Variants in LASP1 observed in about 807,000 individuals in gnomAD.
LASP1 encodes the protein LIM and SH3 domain protein 1.
Under a neutral mutation model 38.6 loss-of-function variants are expected in LASP1, and 10 were observed. The ratio of observed to expected loss-of-function variants is 0.26; its 90% CI spans 0.16 to 0.44. LASP1 has a LOEUF of 0.44. LASP1 is among the 20% of genes least tolerant of loss of function. The pLI, the probability that LASP1 is intolerant of heterozygous loss-of-function variation, is 1.00. For synonymous variants in LASP1, 132 were observed against 140.8 expected (o/e 0.94, Z 0.44); for missense variants, 243 against 375.7 (o/e 0.65, Z 2.92).
At chr17:38,913,492 A>G (rs1753400050) in intron 4 of LASP1, among the ~76,000 whole-genome samples, 2 of 152,114 alleles carry the variant, frequency 1.3e-5, no homozygotes, top group Admixed American at 6.5e-5. Flanking sequence ...ATCTTGGGCC[A>G]CTCACTTCAC....
chr17:38,883,923 C>T (rs967840423), intron 2 of LASP1, among the ~76,000 whole-genome samples: 1 of 151,646 alleles, frequency 6.6e-6, no homozygotes, highest in African/African-American at 2.4e-5. Flanking sequence ...GGGTGAGAAA[C>T]TGGGTTAGCA....
intron 4 of LASP1, among the ~76,000 whole-genome samples, chr17:38,906,381 T>C (rs1018815253): frequency 1.3e-5 from 2 of 151,606 alleles, no homozygotes; most frequent in Non-Finnish European, 2.9e-5. Flanking sequence ...TAGAAAAAAA[T>C]AGCTGGGCAT....
In LASP1 at chr17:38,921,742, C is replaced by G. The variant is rs1915306628; in HGVS notation, c.*2964C>G. 1 of 224,264 alleles carries G rather than the reference C, an allele frequency of 4.5e-6. No individual in the cohort carries two copies. Among genetic ancestry groups the G allele is most frequent in the Non-Finnish European group, 8.9e-6 (1 of 112,478 alleles). The allele number at this position is 224,264 out of a possible 1,614,324, so 13.9% of individuals were successfully genotyped here. A position where few individuals can be genotyped will look rare whatever the true frequency, so the allele number is the denominator to read the frequency against. ...CAAGTGAATCTTTCTCCTGGTGACT[C>G]AAATAAAAGTATAATTTTTACCTGC... On this transcript the variant is annotated 3_prime_UTR_variant, in exon 7 of 7. Coordinates refer to ENST00000318008, the MANE Select transcript of LASP1 (RefSeq NM_006148.4).
chr17:38,890,768 C>T (rs958943218), intron 3 of LASP1, among the ~76,000 whole-genome samples: 5 of 152,060 alleles, frequency 3.3e-5, no homozygotes, highest in African/African-American at 7.2e-5. Flanking sequence ...TAAAGCCTAC[C>T]TCCTCCAGGA....
rs1037332357 is a variant in LASP1 at position 38,890,510 on chromosome 17, G to A, written c.249+6G>A. 3 of 1,613,204 alleles carry A rather than the reference G, an allele frequency of 1.9e-6. No homozygotes were observed. The highest frequency in any genetic ancestry group is 1.7e-6 in the Non-Finnish European group (2 of 1,179,846). ...AGAGTGAGCTCCAGAGTCAGGTGAG[G>A]GGCTGGGCGGTGCTGGGGCCTGGCA... On this transcript the variant is annotated splice_donor_region_variant and intron_variant, in intron 3 of 6. Coordinates refer to ENST00000318008, the MANE Select transcript of LASP1 (RefSeq NM_006148.4).
At chr17:38,900,489 A>G (rs749178279) in intron 4 of LASP1, among the ~76,000 whole-genome samples, 15 of 152,176 alleles carry the variant, frequency 9.9e-5, no homozygotes, top group South Asian at 2.1e-4. Flanking sequence ...CCTGGCCAAC[A>G]TGGTGAAACC....
chr17:38,878,878 C>G (rs1159248156), intron 2 of LASP1, among the ~76,000 whole-genome samples: 1 of 152,166 alleles, frequency 6.6e-6, no homozygotes. Context: ...TCTGTTCCTT[C>G]TGCACTGGGA....
Position 38,915,033 on chromosome 17 carries a change from C to T in LASP1, c.509-10C>T, listed in dbSNP as rs749274704. The T allele has an allele frequency of 6.2e-7, 1 of 1,613,254 alleles. No individual in the cohort carries two copies. Among genetic ancestry groups the T allele is most frequent in the Admixed American group, 1.7e-5 (1 of 60,006 alleles). Reference sequence around the variant, plus strand: ...ACAGTTTCCAAGCCCTGTCTCCTCCCATCTTCCAGTTTACCAGCAGCCCCA... The same window carrying T: ...ACAGTTTCCAAGCCCTGTCTCCTCCTATCTTCCAGTTTACCAGCAGCCCCA... On this transcript the variant is annotated splice_polypyrimidine_tract_variant and intron_variant, in intron 5 of 6. Transcript: ENST00000318008.
chr17:38,901,020 A>C (rs1161260722), intron 4 of LASP1, among the ~76,000 whole-genome samples: 4 of 152,244 alleles, frequency 2.6e-5, no homozygotes, highest in African/African-American at 4.8e-5. Context: ...GGAATGGTTC[A>C]CAGAACTGGA....
chr17:38,918,966 AG>A lies in LASP1; in HGVS notation c.*190del, dbSNP rs1488448936. The A allele has an allele frequency of 1.5e-6, 1 of 659,342 alleles. No individual in the cohort carries two copies. Among genetic ancestry groups the A allele is most frequent in the African/African-American group, 1.8e-5 (1 of 55,168 alleles). The allele number at this position is 659,342 out of a possible 1,614,324, so 40.8% of individuals were successfully genotyped here. On this transcript the variant is annotated 3_prime_UTR_variant, in exon 7 of 7. Transcript: ENST00000318008. This position sits in a 1 kb window ranked among gnomAD's most constrained non-coding sequence, Gnocchi z 4.4. ...ACTTCTGCGGGCTCCCTCCTCTGGC[AG>A]GCTTCCCCCTTGATCGACTTCTTGG...
intron 4 of LASP1, among the ~76,000 whole-genome samples, chr17:38,911,595 C>G (rs1261809660): frequency 6.6e-6 from 1 of 152,164 alleles, no homozygotes; most frequent in Non-Finnish European, 1.5e-5. Context: ...GGGAGAGTCA[C>G]TTCTGGCCTT....
intron 4 of LASP1, among the ~76,000 whole-genome samples, chr17:38,907,573 C>T (rs139015698): frequency 1.4e-3 from 215 of 152,204 alleles, no homozygotes; most frequent in African/African-American, 4.9e-3. Context: ...TGTGCGTGTC[C>T]GGCCCATTTT....
At chr17:38,884,014 TG>T (rs984544700) in intron 2 of LASP1, among the ~76,000 whole-genome samples, 3 of 151,240 alleles carry the variant, frequency 2.0e-5, no homozygotes, top group Non-Finnish European at 4.4e-5. Context: ...AGGCAGGATG[TG>T]GGGGCTGTTT....
chr17:38,872,034 A>C (rs377389908), intron 1 of LASP1, among the ~76,000 whole-genome samples: 26 of 152,102 alleles, frequency 1.7e-4, no homozygotes, highest in East Asian at 9.6e-4. Context: ...GGCAGTGGGC[A>C]CTTGACCCGT....
At position 38,870,721 on chromosome 17, in the gene LASP1, G is replaced by A. The variant is rs369664375; in HGVS notation, c.69+463G>A. On this transcript the variant is annotated intron_variant, in intron 1 of 6. Transcript: ENST00000318008. The stretch of plus-strand genomic sequence containing the variant: ...GCTGGGGGGCCCTGCAAAACCGTCC[G>A]CTCCGGCGGGGGTGGCCTGGCTTCC... Among the ~76,000 whole-genome samples the A allele has an allele frequency of 9.9e-5, 15 of 152,240 alleles. No homozygotes were observed. The East Asian group carries it at 2.9e-3, about 29-fold the overall frequency.
In LASP1 at chr17:38,914,310, C is replaced by A. The variant is rs1915042658; in HGVS notation, c.358-15C>A. On this transcript the variant is annotated splice_polypyrimidine_tract_variant and intron_variant, in intron 4 of 6. Transcript: ENST00000318008. The stretch of plus-strand genomic sequence containing the variant: ...TGCAGTGGGACCCTTCACCTAGTGC[C>A]TTCTGACCTTGCAGATAAAATACCA... The A allele has an allele frequency of 6.3e-7, 1 of 1,598,004 alleles. No homozygotes were observed. The highest frequency in any genetic ancestry group is 1.1e-5 in the South Asian group (1 of 88,736).
intron 1 of LASP1, 87 bp downstream of exon 1, chr17:38,870,345 C>T (rs1913562814): frequency 7.0e-7 from 1 of 1,435,538 alleles, no homozygotes; most frequent in Non-Finnish European, 9.7e-7. Flanking sequence ...TCTTTGCCGC[C>T]TTATCCCCGC....
chr17:38,883,838 T>G (rs755069562), intron 2 of LASP1, among the ~76,000 whole-genome samples: 1 of 150,572 alleles, frequency 6.6e-6, no homozygotes, highest in Admixed American at 6.6e-5. Flanking sequence ...CTCTTTTTTT[T>G]CCTCTGATTG....
At chr17:38,917,364 T>C (rs1319934992) in intron 6 of LASP1, among the ~76,000 whole-genome samples, 2 of 151,978 alleles carry the variant, frequency 1.3e-5, no homozygotes, top group African/African-American at 4.8e-5. Context: ...TCAGGGGAGG[T>C]AGAATGTTGT....
Sources: gnomAD v4.1 joint callset for allele counts (sites outside exome capture counted in the v4.1 genomes callset) on GRCh38, gnomAD v4.1.1 for gene constraint, Gnocchi (gnomAD v3.1) non-coding constraint, MANE v1.5 for transcripts, NCBI Gene and HGNC (gene_info 2026-07-23, HGNC 2026-07-21) for gene names.